Variants in DACH2 observed in about 807,000 individuals in gnomAD.
DACH2 encodes dachshund homolog 2.
Under a neutral mutation model 35.8 loss-of-function variants are expected in DACH2, and 17 were observed. The observed-to-expected ratio is 0.48, with a 90% CI of 0.33 to 0.71. DACH2 has a LOEUF of 0.71. Among genes scored for constraint, DACH2 ranks in the 30% least tolerant of loss-of-function variants. DACH2 has a pLI of 0.02. For synonymous variants in DACH2, 195 were observed against 177.3 expected (o/e 1.10, Z -0.79); for missense variants, 469 against 472.7 (o/e 0.99, Z 0.07).
chrX:86,390,897 A>G (rs1035420310), intron 2 of DACH2, among the ~76,000 whole-genome samples: 4 of 110,767 alleles, frequency 3.6e-5, no homozygotes, highest in Non-Finnish European at 7.5e-5. Flanking sequence ...ATTATAGGGT[A>G]TTTAAAATAT....
chrX:86,348,498 T>C (rs2035533392), intron 1 of DACH2, among the ~76,000 whole-genome samples: 1 of 112,217 alleles, frequency 8.9e-6, no homozygotes, highest in Non-Finnish European at 1.9e-5. Context: ...ATGCCATTTC[T>C]ATACTATTAC....
chrX:86,689,417 C>T (rs1256860512), intron 4 of DACH2, among the ~76,000 whole-genome samples: 2 of 106,051 alleles, frequency 1.9e-5, no homozygotes, highest in African/African-American at 3.5e-5. Flanking sequence ...TACACCTCCC[C>T]GCTACACACA....
intron 1 of DACH2, among the ~76,000 whole-genome samples, chrX:86,303,049 C>T (rs1409773632): frequency 9.7e-6 from 1 of 103,021 alleles, no homozygotes; most frequent in African/African-American, 3.6e-5. Flanking sequence ...AAGTAGCTTG[C>T]CTCAAATTAT....
At chrX:86,590,082 T>G (rs2039623904) in intron 3 of DACH2, among the ~76,000 whole-genome samples, 1 of 111,495 alleles carries the variant, frequency 9.0e-6, no homozygotes, top group South Asian at 3.7e-4. Context: ...TTGTAGAAAT[T>G]TAGTCCCCAT....
intron 9 of DACH2, among the ~76,000 whole-genome samples, chrX:86,813,504 C>T (rs1001068549): frequency 9.5e-6 from 1 of 105,717 alleles, no homozygotes; most frequent in Non-Finnish European, 1.9e-5. Flanking sequence ...CGCAACTACT[C>T]GGGAGGCTGA....
chrX:86,482,322 A>G (rs1051562879), intron 2 of DACH2, among the ~76,000 whole-genome samples: 2 of 112,308 alleles, frequency 1.8e-5, no homozygotes, highest in Non-Finnish European at 1.9e-5. Context: ...TCTTATAAAA[A>G]TACAAATACA....
At chrX:86,339,822 G>A (rs189195107) in intron 1 of DACH2, among the ~76,000 whole-genome samples, 409 of 111,876 alleles carry the variant, frequency 3.7e-3, no homozygotes, top group Middle Eastern at 0.023. Flanking sequence ...CTAATATGAT[G>A]CATATCCACT....
chrX:86,413,055 A>G (rs2036641159), intron 2 of DACH2, among the ~76,000 whole-genome samples: 1 of 111,545 alleles, frequency 9.0e-6, no homozygotes, highest in Admixed American at 9.6e-5. Flanking sequence ...ATATCTCGAC[A>G]GGCCCCATAC....
chrX:86,161,743 G>C (rs944027854), intron 1 of DACH2, among the ~76,000 whole-genome samples: 1 of 112,006 alleles, frequency 8.9e-6, no homozygotes, highest in African/African-American at 3.2e-5. Context: ...TGTTTAATTG[G>C]TATACGTACA....
chrX:86,289,766 G>T (rs1387488466), intron 1 of DACH2, among the ~76,000 whole-genome samples: 22 of 108,989 alleles, frequency 2.0e-4, no homozygotes, highest in East Asian at 2.9e-4. Flanking sequence ...ATTTTTTATG[G>T]CTGCATAGTA....
At chrX:86,219,412 A>T (rs1239234134) in intron 1 of DACH2, among the ~76,000 whole-genome samples, 1 of 111,433 alleles carries the variant, frequency 9.0e-6, no homozygotes, top group Non-Finnish European at 1.9e-5. Flanking sequence ...TCACCTAGGC[A>T]TTAAGCCCAG....
intron 3 of DACH2, among the ~76,000 whole-genome samples, chrX:86,594,671 C>T (rs191497326): frequency 1.8e-5 from 2 of 111,302 alleles, no homozygotes; most frequent in Admixed American, 9.6e-5. Flanking sequence ...GTCATCAGAG[C>T]CTGGGAGCAT....
chrX:86,308,559 C>T (rs2034735833), intron 1 of DACH2, among the ~76,000 whole-genome samples: 1 of 112,066 alleles, frequency 8.9e-6, no homozygotes, highest in Non-Finnish European at 1.9e-5. Flanking sequence ...AGAATCATGG[C>T]CCCTTAATCA....
At chrX:86,526,868 T>G (rs1243079438) in intron 3 of DACH2, among the ~76,000 whole-genome samples, 1 of 109,867 alleles carries the variant, frequency 9.1e-6, no homozygotes, top group Non-Finnish European at 1.9e-5. Context: ...TTCTGAATTC[T>G]CAGCAGTAAT....
intron 1 of DACH2, among the ~76,000 whole-genome samples, chrX:86,373,848 C>T (rs2035925894): frequency 9.0e-6 from 1 of 111,464 alleles, no homozygotes; most frequent in South Asian, 3.7e-4. Context: ...TAGATAATTC[C>T]AAAACTTGAC....
At position 86,442,390 on chromosome X, in the gene DACH2, T is replaced by TG. The variant is rs2037181345; in HGVS notation, c.527+65529dup. 3.0e-5 allele frequency among the ~76,000 whole-genome samples: 3 copies of TG among 101,066 alleles called. 1 individual carries two copies. Among genetic ancestry groups the TG allele is most frequent in the Non-Finnish European group, 2.0e-5 (1 of 49,408 alleles). The allele number at this position is 101,066 out of a possible 115,157, so 87.8% of individuals were successfully genotyped here. ...GTGTGTGTGTGTGTGTGTGTGTGTATGTTTTTTTTTTTTTTTGCTATTGTC... is the reference window on the plus strand; with the variant it reads ...GTGTGTGTGTGTGTGTGTGTGTGTATGGTTTTTTTTTTTTTTTGCTATTGTC... On this transcript the variant is annotated intron_variant, in intron 2 of 11. Transcript: ENST00000373125.
At chrX:86,699,633 A>T (rs1374527716) in intron 5 of DACH2, among the ~76,000 whole-genome samples, 2 of 111,581 alleles carry the variant, frequency 1.8e-5, no homozygotes, top group African/African-American at 6.5e-5. Flanking sequence ...TGCGATTTGG[A>T]TGGGGAAACA....
chrX:86,827,767 C>A (rs1000308041), intron 11 of DACH2: 8 of 1,165,976 alleles, frequency 6.9e-6, no homozygotes, highest in Non-Finnish European at 6.9e-6. Context: ...TCTGTGCAGC[C>A]TGAACACTGA....
chrX:86,547,595 A>G (rs760754987), intron 3 of DACH2, among the ~76,000 whole-genome samples: 1 of 110,126 alleles, frequency 9.1e-6, no homozygotes, highest in East Asian at 2.9e-4. Flanking sequence ...GAAACACATT[A>G]TAGAAATGAT....
Sources: gnomAD v4.1 joint callset for allele counts (sites outside exome capture counted in the v4.1 genomes callset) on GRCh38, gnomAD v4.1.1 for gene constraint, MANE v1.5 for transcripts, NCBI Gene and HGNC (gene_info 2026-07-23, HGNC 2026-07-21) for gene names.